The following FAM78B variants were observed in gnomAD, a reference collection of about 807,000 sequenced individuals.
FAM78B encodes protein FAM78B.
Under a neutral mutation model 20.0 loss-of-function variants are expected in FAM78B, and 10 were observed. The ratio of observed to expected loss-of-function variants is 0.50; its 90% CI spans 0.31 to 0.85. The LOEUF (loss-of-function observed/expected upper bound fraction) is 0.85, where lower values mean the gene tolerates loss of function less well. FAM78B is among the 40% of genes least tolerant of loss of function. The pLI is 0.05. For missense variants in FAM78B, 283 were observed against 345.0 expected (o/e 0.82, Z 1.42); for synonymous variants, 135 against 132.8 (o/e 1.02, Z -0.12).
At chr1:166,104,048 C>T (rs1010881345) in intron 1 of FAM78B, among the ~76,000 whole-genome samples, 2 of 152,168 alleles carry the variant, frequency 1.3e-5, no homozygotes, top group Non-Finnish European at 1.5e-5. Flanking sequence ...GCTGGTTCAA[C>T]ATACGCAAAT....
At chr1:166,120,836 T>C (rs1032812604) in intron 1 of FAM78B, among the ~76,000 whole-genome samples, 2 of 152,208 alleles carry the variant, frequency 1.3e-5, no homozygotes, top group Admixed American at 6.5e-5. Context: ...GGCAGGAGAC[T>C]CCAGAACCCT....
At position 166,100,188 on chromosome 1, in the gene FAM78B, A is replaced by T. The variant is rs1481064096; in HGVS notation, c.264-29425T>A. ...TGAGTCAAAAACAAAATCAAGATGG[A>T]AATCTAAAAATTCTTTGAGGAGGCA... On this transcript the variant is annotated intron_variant, in intron 1 of 1. Coordinates refer to ENST00000354422, the MANE Select transcript of FAM78B (RefSeq NM_001017961.5). Among the ~76,000 whole-genome samples, 3 of 152,216 alleles carry T rather than the reference A, an allele frequency of 2.0e-5. No homozygotes were observed. The East Asian group carries it at 5.8e-4, about 29-fold the overall frequency.
At chr1:166,140,221 C>T (rs1292285254) in intron 1 of FAM78B, among the ~76,000 whole-genome samples, 1 of 152,236 alleles carries the variant, frequency 6.6e-6, no homozygotes, top group Non-Finnish European at 1.5e-5. Flanking sequence ...CACTCTTTCC[C>T]GTAGCACAAT....
chr1:166,130,024 C>T (rs1294680397), intron 1 of FAM78B, among the ~76,000 whole-genome samples: 2 of 152,240 alleles, frequency 1.3e-5, no homozygotes, highest in African/African-American at 2.4e-5. Flanking sequence ...CCCCTTCAGG[C>T]TATACCAGCC....
Position 166,103,554 on chromosome 1 carries a change from G to A in FAM78B, c.264-32791C>T, listed in dbSNP as rs558131182. On this transcript the variant is annotated intron_variant, in intron 1 of 1. Coordinates refer to ENST00000354422, the MANE Select transcript of FAM78B (RefSeq NM_001017961.5). ...CGATCCCACAGAAATACAAACTACT[G>A]TCAGAGAATACTATAAACACCTCTA... Among the ~76,000 whole-genome samples the A allele has an allele frequency of 5.5e-3, 841 of 152,094 alleles. 3 individuals carry two copies. Among genetic ancestry groups the A allele is most frequent in the Non-Finnish European group, 9.7e-3 (661 of 67,944 alleles).
At chr1:166,068,938 CCTGA>C (rs1381918743), downstream of FAM78B, among the ~76,000 whole-genome samples, 5 of 152,146 alleles carry the variant, frequency 3.3e-5, no homozygotes, top group Non-Finnish European at 7.4e-5. Context: ...TGTATATTGG[CCTGA>C]CTAAAGGAAA....
At chr1:166,076,906 G>T (rs773126565) in intron 1 of FAM78B, among the ~76,000 whole-genome samples, 4 of 152,178 alleles carry the variant, frequency 2.6e-5, no homozygotes, top group Admixed American at 6.5e-5. Context: ...GCAACCATCT[G>T]CATGGAGAGG....
Position 166,166,260 on chromosome 1 carries a change from G to A in FAM78B, c.-12C>T. 2 of 1,379,648 alleles carry A rather than the reference G, an allele frequency of 1.4e-6. No individual in the cohort carries two copies. The highest frequency in any genetic ancestry group is 9.4e-7 in the Non-Finnish European group (1 of 1,060,390). 85.5% of individuals were successfully genotyped at this position (1,379,648 alleles called of 1,614,324 possible). ...TGGATACAGCCCATCCTGCAGCCCG[G>A]TGCCGGCACGGCGCGGCGTGGGGCA... On this transcript the variant is annotated 5_prime_UTR_variant, in exon 1 of 2. Coordinates refer to ENST00000354422, the MANE Select transcript of FAM78B (RefSeq NM_001017961.5).
In FAM78B at chr1:166,166,063, G is replaced by C. The variant is rs1348122449; in HGVS notation, c.186C>G (p.Arg62=). ...SARVVMPPIP[R]HETWVVGWIQ... is the part of the protein sequence containing the mutation. ...TCCAGCCCACCACCCAGGTCTCGTGGCGGGGGATGGGGGGCATGACCACGC... is the reference window on the plus strand; with the variant it reads ...TCCAGCCCACCACCCAGGTCTCGTGCCGGGGGATGGGGGGCATGACCACGC... Residue 62 remains arginine, a synonymous_variant, in exon 1 of 2, where the codon CGC becomes CGG. Coordinates refer to ENST00000354422, the MANE Select transcript of FAM78B (RefSeq NM_001017961.5). 1 of 1,613,992 alleles carries C rather than the reference G, an allele frequency of 6.2e-7. No individual in the cohort carries two copies. The highest frequency in any genetic ancestry group is 8.5e-7 in the Non-Finnish European group (1 of 1,180,030).
At chr1:166,068,672 C>T (rs3856211), downstream of FAM78B, among the ~76,000 whole-genome samples, 90,568 of 152,096 alleles carry the variant, frequency 0.6, 27,076 homozygotes, top group South Asian at 0.63. Context: ...TAAAACTGCT[C>T]TGAACTTCAA....
chr1:166,157,364 A>C (rs1485332076), intron 1 of FAM78B, among the ~76,000 whole-genome samples: 3 of 151,258 alleles, frequency 2.0e-5, no homozygotes, highest in African/African-American at 7.3e-5. Context: ...AGATCTTATT[A>C]CTGTCCATTT....
chr1:166,091,862 G>A (rs1368276537), intron 1 of FAM78B, among the ~76,000 whole-genome samples: 2 of 152,122 alleles, frequency 1.3e-5, no homozygotes, highest in African/African-American at 2.4e-5. Flanking sequence ...AGCTCAGAAA[G>A]GTTACGTGAT....
intron 1 of FAM78B, among the ~76,000 whole-genome samples, chr1:166,105,907 G>T (rs376458290): frequency 1.3e-5 from 2 of 151,530 alleles, no homozygotes; most frequent in Non-Finnish European, 2.9e-5. Flanking sequence ...ACATGCACAC[G>T]TATGTTTATT....
chr1:166,121,346 C>A (rs1250014717), intron 1 of FAM78B, among the ~76,000 whole-genome samples: 11 of 152,104 alleles, frequency 7.2e-5, no homozygotes, highest in African/African-American at 2.7e-4. Flanking sequence ...ACTCTTGGAC[C>A]CCTGAGGGTT....
chr1:166,114,012 A>G (rs1022861540), intron 1 of FAM78B, among the ~76,000 whole-genome samples: 1 of 152,206 alleles, frequency 6.6e-6, no homozygotes, highest in African/African-American at 2.4e-5. Context: ...TAACCTGAAG[A>G]CACCTGTTAG....
At position 166,109,918 on chromosome 1, in the gene FAM78B, A is replaced by G. The variant is rs1357990205; in HGVS notation, c.264-39155T>C. ...TATATATATATATATATATATATAT[A>G]TAATGGAATACTATGCAGACATAAA... On this transcript the variant is annotated intron_variant, in intron 1 of 1. Transcript: ENST00000354422. 3.0e-4 allele frequency among the ~76,000 whole-genome samples: 34 copies of G among 111,758 alleles called. 1 individual carries two copies. Among genetic ancestry groups the G allele is most frequent in the Non-Finnish European group, 5.7e-4 (30 of 53,050 alleles). 73.3% of individuals were successfully genotyped at this position (111,758 alleles called of 152,430 possible). A position where few individuals can be genotyped will look rare whatever the true frequency, so the allele number is the denominator to read the frequency against.
chr1:166,144,295 G>T (rs1274936011), intron 1 of FAM78B, among the ~76,000 whole-genome samples: 1 of 151,814 alleles, frequency 6.6e-6, no homozygotes, highest in African/African-American at 2.4e-5. Context: ...GTGGTGGTGG[G>T]GGGGTGGTCT....
At chr1:166,075,577 G>A (rs903291515) in intron 1 of FAM78B, among the ~76,000 whole-genome samples, 3 of 152,198 alleles carry the variant, frequency 2.0e-5, no homozygotes, top group Non-Finnish European at 2.9e-5. Context: ...GGACGGGGTT[G>A]TGTTTGTCTT....
chr1:166,163,751 G>A (rs1656248467), intron 1 of FAM78B, among the ~76,000 whole-genome samples: 3 of 152,220 alleles, frequency 2.0e-5, no homozygotes. Flanking sequence ...GGGCTCCAAA[G>A]TGGCCTTTAA....
Sources: gnomAD v4.1 joint callset for allele counts (sites outside exome capture counted in the v4.1 genomes callset) on GRCh38, gnomAD v4.1.1 for gene constraint, MANE v1.5 for transcripts, NCBI Gene and HGNC (gene_info 2026-07-23, HGNC 2026-07-21) for gene names.